Variants in TAFA1 observed in about 807,000 individuals in gnomAD.
The protein encoded by TAFA1 is TAFA chemokine like family member 1, also known as chemokine-like protein TAFA-1.
In TAFA1, 4 loss-of-function variants were observed where a neutral mutation model predicts 18.5. The ratio of observed to expected loss-of-function variants is 0.22; its 90% CI spans 0.11 to 0.49. The LOEUF (loss-of-function observed/expected upper bound fraction) is 0.49. Ranked by LOEUF, TAFA1 falls within the 20% of genes least tolerant of loss-of-function variation. TAFA1 has a pLI of 0.98. For synonymous variants in TAFA1, 56 were observed against 55.2 expected (o/e 1.01, Z -0.06); for missense variants, 147 against 169.0 (o/e 0.87, Z 0.72).
chr3:68,038,348 A>G (rs1466089179), intron 2 of TAFA1, among the ~76,000 whole-genome samples: 1 of 152,182 alleles, frequency 6.6e-6, no homozygotes, highest in Non-Finnish European at 1.5e-5. Context: ...TCTTTAGTCA[A>G]TGTTGGTGGG....
At chr3:68,311,817 C>T (rs540540024) in intron 2 of TAFA1, among the ~76,000 whole-genome samples, 1 of 152,218 alleles carries the variant, frequency 6.6e-6, no homozygotes, top group Non-Finnish European at 1.5e-5. Context: ...CCTCTTCTCA[C>T]AGCTCCACTA....
At chr3:68,027,624 G>A (rs534697752) in intron 2 of TAFA1, among the ~76,000 whole-genome samples, 30 of 152,276 alleles carry the variant, frequency 2.0e-4, no homozygotes, top group Admixed American at 1.8e-3. Flanking sequence ...ACATGCCACC[G>A]TGAAGTCACA....
rs117615723 is a variant in TAFA1, at chr3:68,427,403, T to C, written c.259+9983T>C. ...GCTGTCCACATGAATAACTAGCAAA[T>C]CTTGTGAATTATTTCACACTTCTAG... is the stretch of plus-strand genomic sequence containing the variant. On this transcript the variant is annotated intron_variant, in intron 3 of 4. Transcript: ENST00000478136. 1.2e-4 allele frequency among the ~76,000 whole-genome samples: 18 copies of C among 151,876 alleles called. No individual in the cohort carries two copies. The East Asian group carries it at 3.1e-3, about 26-fold the overall frequency.
At chr3:68,166,906 A>C (rs567592555) in intron 2 of TAFA1, among the ~76,000 whole-genome samples, 1 of 152,272 alleles carries the variant, frequency 6.6e-6, no homozygotes, top group East Asian at 1.9e-4. Flanking sequence ...CATGCAGTAA[A>C]TATCTTCTGA....
chr3:67,996,155 C>T, the TAFA1 span, among the ~76,000 whole-genome samples: 3 of 152,194 alleles, frequency 2.0e-5, no homozygotes, highest in South Asian at 6.2e-4. Context: ...CTCCGTACCT[C>T]ATTTGTTGAG....
chr3:68,384,949 T>C (rs1173144312), intron 2 of TAFA1, among the ~76,000 whole-genome samples: 1 of 152,160 alleles, frequency 6.6e-6, no homozygotes, highest in Non-Finnish European at 1.5e-5. Flanking sequence ...TCTTTGTTGG[T>C]TTAAAATCTG....
At chr3:68,403,014 A>T (rs1268243703) in intron 2 of TAFA1, among the ~76,000 whole-genome samples, 1 of 152,218 alleles carries the variant, frequency 6.6e-6, no homozygotes, top group Admixed American at 6.5e-5. Context: ...AACATGGTAT[A>T]ATACCATATT....
intron 3 of TAFA1, among the ~76,000 whole-genome samples, chr3:68,534,587 GA>G (rs1321826584): frequency 2.6e-5 from 4 of 152,074 alleles, no homozygotes; most frequent in Admixed American, 6.6e-5. Context: ...ACTCTATTTA[GA>G]AGAGGCAACT....
chr3:68,398,186 G>A (rs1274759683), intron 2 of TAFA1, among the ~76,000 whole-genome samples: 6 of 152,170 alleles, frequency 3.9e-5, no homozygotes, highest in Admixed American at 2.0e-4. Context: ...CAAGGCTAAA[G>A]TAACCAAAAC....
intron 2 of TAFA1, among the ~76,000 whole-genome samples, chr3:68,394,037 T>C (rs1323960019): frequency 6.6e-6 from 1 of 151,282 alleles, no homozygotes; most frequent in Non-Finnish European, 1.5e-5. Context: ...GAGAAAGAAA[T>C]ATGCATTTAG....
chr3:68,309,960 A>C (rs2068487330), intron 2 of TAFA1, among the ~76,000 whole-genome samples: 1 of 152,236 alleles, frequency 6.6e-6, no homozygotes, highest in Non-Finnish European at 1.5e-5. Flanking sequence ...CCCACATGGC[A>C]CTTTTGTGCA....
chr3:68,242,089 A>G (rs1206901289), intron 2 of TAFA1, among the ~76,000 whole-genome samples: 1 of 152,180 alleles, frequency 6.6e-6, no homozygotes, highest in Non-Finnish European at 1.5e-5. Context: ...TCAGGTTAGT[A>G]TACTAGCAAG....
At chr3:68,200,999 C>G (rs183403448) in intron 2 of TAFA1, among the ~76,000 whole-genome samples, 29 of 151,640 alleles carry the variant, frequency 1.9e-4, no homozygotes, top group African/African-American at 6.8e-4. Flanking sequence ...TCAATATATG[C>G]ATTCAATGCT....
chr3:68,460,179 G>T (rs2071748220), intron 3 of TAFA1, among the ~76,000 whole-genome samples: 1 of 152,046 alleles, frequency 6.6e-6, no homozygotes, highest in African/African-American at 2.4e-5. Context: ...GGCTATAGGT[G>T]GCATTAGTGA....
intron 3 of TAFA1, among the ~76,000 whole-genome samples, chr3:68,435,572 T>C (rs1428616138): frequency 6.6e-6 from 1 of 152,146 alleles, no homozygotes; most frequent in African/African-American, 2.4e-5. Context: ...ACCCAAGAAA[T>C]GTCAGAAAGG....
chr3:68,368,819 C>G (rs978770345), intron 2 of TAFA1, among the ~76,000 whole-genome samples: 2 of 152,192 alleles, frequency 1.3e-5, no homozygotes, highest in African/African-American at 4.8e-5. Flanking sequence ...GGAGCAGTTA[C>G]TATTCAGAAG....
chr3:68,099,570 C>T (rs1355714186), intron 2 of TAFA1, among the ~76,000 whole-genome samples: 2 of 152,040 alleles, frequency 1.3e-5, no homozygotes, highest in Non-Finnish European at 2.9e-5. Context: ...TGTTCAGCCA[C>T]AGTGGAATGC....
intron 2 of TAFA1, among the ~76,000 whole-genome samples, chr3:68,251,224 G>C (rs992331894): frequency 4.6e-5 from 7 of 152,138 alleles, no homozygotes; most frequent in African/African-American, 1.4e-4. Flanking sequence ...AGACTGAGCT[G>C]CCCAGAAGCC....
intron 2 of TAFA1, among the ~76,000 whole-genome samples, chr3:68,240,324 CTT>C (rs2066979803): frequency 6.6e-6 from 1 of 152,172 alleles, no homozygotes; most frequent in Non-Finnish European, 1.5e-5. Context: ...GGTCAGAACT[CTT>C]GTAAACTGGG....
Sources: allele counts gnomAD v4.1 joint callset (sites outside exome capture counted in the v4.1 genomes callset), GRCh38; gene constraint gnomAD v4.1.1; transcripts MANE v1.5; gene names NCBI Gene and HGNC (gene_info 2026-07-23, HGNC 2026-07-21).